The following PTPRT variants were observed in gnomAD, a reference collection of about 807,000 sequenced individuals.
PTPRT encodes receptor-type tyrosine-protein phosphatase T.
A neutral mutation model predicts 176.8 loss-of-function variants in PTPRT; 56 were observed. That is an observed-to-expected ratio of 0.32 (90% confidence interval 0.26 to 0.40). The LOEUF is 0.40. Among genes scored for constraint, PTPRT ranks in the 10% least tolerant of loss-of-function variants. The probability of loss-of-function intolerance (pLI) is 1.00; values close to 1 mark genes in which losing one functional copy is unlikely to be tolerated. For missense variants in PTPRT, 1,540 were observed against 1,908.2 expected, an observed-to-expected ratio of 0.81 and a Z score of 3.60; for synonymous variants, 783 against 739.0, an observed-to-expected ratio of 1.06 and a Z score of -0.96.
intron 7 of PTPRT, among the ~76,000 whole-genome samples, chr20:42,576,725 C>A (rs1477156794): frequency 6.6e-6 from 1 of 152,198 alleles, no homozygotes; most frequent in Non-Finnish European, 1.5e-5. Context: ...CACAAAGGAA[C>A]TAATACGTTT....
intron 6 of PTPRT, among the ~76,000 whole-genome samples, chr20:42,694,648 T>C (rs4812619): frequency 0.14 from 21,576 of 152,182 alleles, 2,084 homozygotes; most frequent in African/African-American, 0.27. Flanking sequence ...ACATTACTAC[T>C]ATCAATGCAT....
chr20:42,665,064 A>G (rs533794918), intron 7 of PTPRT, among the ~76,000 whole-genome samples: 23 of 152,260 alleles, frequency 1.5e-4, no homozygotes, highest in African/African-American at 5.1e-4. Flanking sequence ...CTAAAACACC[A>G]AAAGCAATGG....
intron 9 of PTPRT, among the ~76,000 whole-genome samples, chr20:42,380,093 A>G (rs2058685193): frequency 6.6e-6 from 1 of 152,190 alleles, no homozygotes; most frequent in Admixed American, 6.5e-5. Context: ...GTAGTCCACT[A>G]AGAACCTAAG....
rs140374415 is a variant in PTPRT at position 42,176,322 on chromosome 20, TTGGTGA to T, written c.2492-14786_2492-14781del. On this transcript the variant is annotated intron_variant, in intron 16 of 30. Coordinates refer to ENST00000373187, the MANE Select transcript of PTPRT (RefSeq NM_007050.6). ...ATTTCCTGCCTCAGTTCCATTTGCCTTGGTGAGTGTGGGGAGGTTGATAAGCCACAT... is the reference window on the plus strand; with the variant it reads ...ATTTCCTGCCTCAGTTCCATTTGCCTGTGTGGGGAGGTTGATAAGCCACAT... Among the ~76,000 whole-genome samples, 1,318 of 152,312 alleles carry T rather than the reference TTGGTGA, an allele frequency of 8.7e-3. 20 individuals carry two copies. Among genetic ancestry groups the T allele is most frequent in the African/African-American group, 0.029 (1,223 of 41,568 alleles).
intron 13 of PTPRT, among the ~76,000 whole-genome samples, chr20:42,265,627 T>C (rs1221148128): frequency 6.6e-6 from 1 of 152,140 alleles, no homozygotes; most frequent in African/African-American, 2.4e-5. Context: ...CCCCTCATGG[T>C]GGCTGTTCAG....
At chr20:42,535,446 C>T (rs2072459829) in intron 7 of PTPRT, among the ~76,000 whole-genome samples, 1 of 152,152 alleles carries the variant, frequency 6.6e-6, no homozygotes, top group African/African-American at 2.4e-5. Context: ...ATATAGCACA[C>T]CTTCCCATCT....
At position 42,649,041 on chromosome 20, in the gene PTPRT, A is replaced by G. The variant is rs543123160; in HGVS notation, c.1153+28825T>C. Among the ~76,000 whole-genome samples, 1,438 of 151,966 alleles carry G rather than the reference A, an allele frequency of 9.5e-3. 9 individuals carry two copies. The highest frequency in any genetic ancestry group is 0.017 in the Middle Eastern group (5 of 294). ...TCACCGTGTTAGCCAGGATGGTCTC[A>G]ATCTCATGACCTTGTGATCCGCCCA... On this transcript the variant is annotated intron_variant, in intron 7 of 30. Coordinates refer to ENST00000373187, the MANE Select transcript of PTPRT (RefSeq NM_007050.6).
At chr20:42,594,933 A>G (rs1360286017) in intron 7 of PTPRT, among the ~76,000 whole-genome samples, 1 of 152,196 alleles carries the variant, frequency 6.6e-6, no homozygotes, top group Non-Finnish European at 1.5e-5. Flanking sequence ...ATGAATGTTT[A>G]TAAATGTTAG....
At chr20:42,374,227 T>C (rs1248014996) in intron 9 of PTPRT, among the ~76,000 whole-genome samples, 1 of 152,216 alleles carries the variant, frequency 6.6e-6, no homozygotes, top group Non-Finnish European at 1.5e-5. Flanking sequence ...CAAGAACTTT[T>C]CAGAGGCAGG....
chr20:42,647,277 G>A (rs1290954050), intron 7 of PTPRT, among the ~76,000 whole-genome samples: 1 of 151,822 alleles, frequency 6.6e-6, no homozygotes, highest in Non-Finnish European at 1.5e-5. Context: ...TGAGAGTGTG[G>A]GCTACTAAGA....
chr20:43,187,282 A>G (rs1311819061), intron 1 of PTPRT, among the ~76,000 whole-genome samples: 1 of 152,194 alleles, frequency 6.6e-6, no homozygotes, highest in African/African-American at 2.4e-5. Flanking sequence ...TAGTTTTAAA[A>G]TGTATTTGTC....
intron 7 of PTPRT, among the ~76,000 whole-genome samples, chr20:42,636,829 A>C (rs1214160348): frequency 2.6e-5 from 4 of 152,054 alleles, no homozygotes; most frequent in African/African-American, 9.7e-5. Context: ...TAAAATGGAG[A>C]TGAAGGATGG....
intron 1 of PTPRT, among the ~76,000 whole-genome samples, chr20:43,121,213 G>A (rs1372899385): frequency 6.6e-6 from 1 of 152,156 alleles, no homozygotes; most frequent in Middle Eastern, 3.2e-3. Flanking sequence ...TTGCTGGATG[G>A]TATTTCTTTG....
intron 1 of PTPRT, among the ~76,000 whole-genome samples, chr20:42,995,320 C>T (rs1984162292): frequency 6.6e-6 from 1 of 151,992 alleles, no homozygotes; most frequent in Admixed American, 6.5e-5. Flanking sequence ...AGAAATAACC[C>T]CACTGATTCT....
intron 7 of PTPRT, among the ~76,000 whole-genome samples, chr20:42,640,945 G>T (rs1042664191): frequency 1.3e-5 from 2 of 152,118 alleles, no homozygotes; most frequent in African/African-American, 2.4e-5. Flanking sequence ...ATGTTCAATG[G>T]TGTCTCCTGG....
chr20:42,982,391 T>C (rs911155080), intron 1 of PTPRT, among the ~76,000 whole-genome samples: 2 of 152,148 alleles, frequency 1.3e-5, no homozygotes, highest in African/African-American at 4.8e-5. Context: ...ATAAAGATTA[T>C]GCAAGAAATA....
chr20:42,956,222 C>T, intron 1 of PTPRT, among the ~76,000 whole-genome samples: 1 of 152,138 alleles, frequency 6.6e-6, no homozygotes, highest in East Asian at 1.9e-4. Flanking sequence ...CCCTCTAAAT[C>T]TCATATTGAA....
chr20:42,430,858 T>G (rs980533327), intron 9 of PTPRT, among the ~76,000 whole-genome samples: 58 of 152,206 alleles, frequency 3.8e-4, no homozygotes, highest in African/African-American at 1.4e-3. Context: ...TCTGGTGGGC[T>G]GCCAAAGGCC....
intron 2 of PTPRT, among the ~76,000 whole-genome samples, chr20:42,859,586 ATT>A (rs374358348): frequency 7.8e-6 from 1 of 127,646 alleles, no homozygotes; most frequent in Non-Finnish European, 1.6e-5. Context: ...TTTTTTTTTA[ATT>A]TTTTTTTTTT....
Sources: gnomAD v4.1 joint callset for allele counts (sites outside exome capture counted in the v4.1 genomes callset) on GRCh38, gnomAD v4.1.1 for gene constraint, MANE v1.5 for transcripts, NCBI Gene and HGNC (gene_info 2026-07-23, HGNC 2026-07-21) for gene names.